Variants in ABCC5 observed in about 807,000 individuals in gnomAD.
ABCC5 encodes ATP binding cassette subfamily C member 5.
ABCC5 carries 61 observed loss-of-function variants against 160.9 expected under a neutral mutation model. The ratio of observed to expected loss-of-function variants is 0.38; its 90% CI spans 0.31 to 0.47. The LOEUF is 0.47. ABCC5 is among the 20% of genes least tolerant of loss of function. ABCC5 has a pLI of 0.99. For synonymous variants in ABCC5, 666 were observed against 700.6 expected, an observed-to-expected ratio of 0.95 and a Z score of 0.78; for missense variants, 1,308 against 1,813.3, an observed-to-expected ratio of 0.72 and a Z score of 5.06.
chr3:183,949,733 T>C lies in ABCC5; in HGVS notation c.3227+20A>G, dbSNP rs761603417. The C allele has an allele frequency of 1.9e-6, 3 of 1,613,614 alleles. No individual in the cohort carries two copies. Among genetic ancestry groups the C allele is most frequent in the Admixed American group, 1.7e-5 (1 of 60,004 alleles). Reference sequence around the variant, plus strand: ...GATGCTGACTCCCCTTTGAGGCCTCTAGCCCCCATCAGGACAAACCTGTGC... The same window carrying C: ...GATGCTGACTCCCCTTTGAGGCCTCCAGCCCCCATCAGGACAAACCTGTGC... On this transcript the variant is annotated intron_variant, in intron 22 of 29. Transcript: ENST00000334444. This position sits in a 1 kb window ranked among gnomAD's most constrained non-coding sequence, Gnocchi z 4.2.
chr3:183,923,132 T>G (rs1161426209), intron 29 of ABCC5, among the ~76,000 whole-genome samples: 1 of 151,718 alleles, frequency 6.6e-6, no homozygotes, highest in African/African-American at 2.4e-5. Context: ...ATCATCCTGT[T>G]TTTGCCTTTA....
At chr3:183,927,957 A>G (rs932298665) in intron 27 of ABCC5, 3 of 355,804 alleles carry the variant, frequency 8.4e-6, no homozygotes, top group African/African-American at 6.7e-5. Context: ...CAACCCAGGC[A>G]TAACAGAAGC....
intron 17 of ABCC5, among the ~76,000 whole-genome samples, chr3:183,954,906 G>C (rs1242187380): frequency 6.6e-6 from 1 of 152,300 alleles, no homozygotes; most frequent in Non-Finnish European, 1.5e-5. Flanking sequence ...GATCCGGAAA[G>C]GTGGGGCAAC....
In ABCC5 at chr3:183,928,660, G is replaced by A. The variant is rs569903905; in HGVS notation, c.3933+87C>T. ...TTGTCCACAGGCATCCTGGAGGCACGGCCAGAGCAGACGGGGTGTGGCAAG... is the reference window on the plus strand; with the variant it reads ...TTGTCCACAGGCATCCTGGAGGCACAGCCAGAGCAGACGGGGTGTGGCAAG... On this transcript the variant is annotated intron_variant, in intron 27 of 29. Coordinates refer to ENST00000334444, the MANE Select transcript of ABCC5 (RefSeq NM_005688.4). The A allele has an allele frequency of 3.0e-4, 367 of 1,242,670 alleles. 1 individual carries two copies. The highest frequency in any genetic ancestry group is 2.0e-3 in the South Asian group (157 of 80,278). The allele number at this position is 1,242,670 out of a possible 1,614,324, so 77.0% of individuals were successfully genotyped here. A position where few individuals can be genotyped will look rare whatever the true frequency, so the allele number is the denominator to read the frequency against.
intron 28 of ABCC5, among the ~76,000 whole-genome samples, chr3:183,926,842 C>G (rs147248411): frequency 6.6e-6 from 1 of 151,766 alleles, no homozygotes; most frequent in African/African-American, 2.4e-5. Context: ...GTCAAGAGAT[C>G]GAGACTATCC....
intron 2 of ABCC5, among the ~76,000 whole-genome samples, chr3:183,996,727 T>C (rs767361717): frequency 6.6e-6 from 1 of 152,188 alleles, no homozygotes; most frequent in Non-Finnish European, 1.5e-5. Flanking sequence ...GAAATAGCAC[T>C]AATCTCAGAA....
chr3:183,947,740 CA>C (rs925489403), intron 22 of ABCC5, among the ~76,000 whole-genome samples: 2 of 150,164 alleles, frequency 1.3e-5, no homozygotes, highest in African/African-American at 2.4e-5. Flanking sequence ...TCTTTAAAAA[CA>C]AAAAAAAATC....
chr3:183,982,564 G>C lies in ABCC5; in HGVS notation c.886C>G (p.Leu296Val). 6.2e-7 allele frequency: 1 copy of C among 1,614,156 alleles called. No homozygotes were observed. ...RMFEAAAVGS[L>V]LAGGPVVAIL... ...GCAACAACGGGTCCTCCAGCCAGCAGGCTGCCAACGGCTGCTGCCTCAAAC... is the reference window on the plus strand; with the variant it reads ...GCAACAACGGGTCCTCCAGCCAGCACGCTGCCAACGGCTGCTGCCTCAAAC... Residue 296 changes from leucine to valine, a missense_variant, in exon 7 of 30, where the codon CTG (leucine) becomes GTG (valine). Around this residue, in one of 3 missense-constraint regions of ABCC5, gnomAD observed 1,142 missense variants for 1,527.1 expected, o/e 0.75. Coordinates refer to ENST00000334444, the MANE Select transcript of ABCC5 (RefSeq NM_005688.4). The surrounding 1 kb of genome is among the most constrained non-coding windows in gnomAD (Gnocchi z 5.2).
At chr3:183,962,665 G>A (rs2108819934) in intron 15 of ABCC5, among the ~76,000 whole-genome samples, 1 of 152,056 alleles carries the variant, frequency 6.6e-6, no homozygotes, top group East Asian at 1.9e-4. Flanking sequence ...CTGAGTAGCT[G>A]GGATTGCAGG....
intron 2 of ABCC5, among the ~76,000 whole-genome samples, chr3:184,002,294 G>C (rs1186100671): frequency 6.6e-6 from 1 of 151,946 alleles, no homozygotes; most frequent in Non-Finnish European, 1.5e-5. Context: ...AGCTACTCAG[G>C]AGGCTGAGGC....
Position 183,921,399 on chromosome 3 carries a change from C to T in ABCC5, c.4215G>A (p.Val1405=), listed in dbSNP as rs1711951681. The T allele has an allele frequency of 5.0e-6, 8 of 1,612,228 alleles. No individual in the cohort carries two copies. The highest frequency in any genetic ancestry group is 6.8e-6 in the Non-Finnish European group (8 of 1,179,272). Residue 1405 remains valine (V), a splice_region_variant and synonymous_variant, in exon 30 of 30, where the codon GTG becomes GTA. Transcript: ENST00000334444. The surrounding 1 kb of genome is among the most constrained non-coding windows in gnomAD (Gnocchi z 4.1). ...GGACCGATGGGGTGTCAAACTCCAC[C>T]ACCTGCAAAAGAAGGAGACGCCGTC... ...DRIMVLAQGQ[V]VEFDTPSVLL... is the part of the protein sequence containing the mutation.
At position 183,961,366 on chromosome 3, in the gene ABCC5, C is replaced by T. The variant is rs1434745731; in HGVS notation, c.2379+145G>A. 8 of 1,007,802 alleles carry T rather than the reference C, an allele frequency of 7.9e-6. No individual in the cohort carries two copies. The African/African-American group carries it at 1.1e-4, about 14-fold the overall frequency. The allele number at this position is 1,007,802 out of a possible 1,614,324, so 62.4% of individuals were successfully genotyped here. On this transcript the variant is annotated intron_variant, in intron 16 of 29. Coordinates refer to ENST00000334444, the MANE Select transcript of ABCC5 (RefSeq NM_005688.4). ...AGCAGAATCAGTGTGTGAACTAAGG[C>T]ACAGCAGTCTGTTCACCAGAAAACA...
chr3:184,010,007 T>TA, intron 2 of ABCC5: 1 of 434,160 alleles, frequency 2.3e-6, no homozygotes, highest in South Asian at 1.6e-5. Context: ...AAAAATTTAA[T>TA]AAAAAATAAA....
chr3:183,923,619 G>A (rs542085787), intron 29 of ABCC5, among the ~76,000 whole-genome samples: 1 of 152,142 alleles, frequency 6.6e-6, no homozygotes, highest in South Asian at 2.1e-4. Flanking sequence ...CGAGACTCTG[G>A]CTCAAAAAAA....
At chr3:183,928,619 CCCTG>C (rs1560467336) in intron 27 of ABCC5, 124 bp downstream of exon 27, 3 of 755,734 alleles carry the variant, frequency 4.0e-6, no homozygotes, top group Non-Finnish European at 6.7e-6. Flanking sequence ...ACTTGGAGAG[CCCTG>C]CCACGAAGCC....
At chr3:183,936,743 C>T (rs962248241) in intron 26 of ABCC5, among the ~76,000 whole-genome samples, 12 of 152,236 alleles carry the variant, frequency 7.9e-5, no homozygotes, top group South Asian at 2.1e-4. Flanking sequence ...CTCCTGACCT[C>T]GTGATCCGCC....
intron 15 of ABCC5, among the ~76,000 whole-genome samples, chr3:183,961,983 T>C (rs1027315768): frequency 6.6e-6 from 1 of 152,150 alleles, no homozygotes; most frequent in African/African-American, 2.4e-5. Flanking sequence ...GGTTTTGCCG[T>C]ACAGGTAATC....
chr3:184,001,110 A>T, intron 2 of ABCC5: 1 of 416,814 alleles, frequency 2.4e-6, no homozygotes, highest in Non-Finnish European at 4.2e-6. Flanking sequence ...AAAGTTAGCC[A>T]GGCATGGTGG....
intron 2 of ABCC5, among the ~76,000 whole-genome samples, chr3:183,995,229 T>C (rs945637702): frequency 2.6e-5 from 4 of 152,192 alleles, no homozygotes; most frequent in African/African-American, 9.6e-5. Context: ...TTTTCTCCCA[T>C]TTTATGGCCA....
Sources: gnomAD v4.1 joint callset for allele counts (sites outside exome capture counted in the v4.1 genomes callset) on GRCh38, gnomAD v4.1.1 for gene constraint, gnomAD v4.1.1 regional missense constraint, Gnocchi (gnomAD v3.1) non-coding constraint, MANE v1.5 for transcripts, NCBI Gene and HGNC (gene_info 2026-07-23, HGNC 2026-07-21) for gene names.